Variants in NR4A3 observed in about 807,000 individuals in gnomAD.
NR4A3 encodes nuclear receptor subfamily 4 group A member 3.
A neutral mutation model predicts 55.6 loss-of-function variants in NR4A3; 13 were observed. The observed-to-expected ratio is 0.23, with a 90% CI of 0.15 to 0.37. The LOEUF is 0.37. Among genes scored for constraint, NR4A3 ranks in the 10% least tolerant of loss-of-function variants. The pLI is 1.00. For synonymous variants in NR4A3, 342 were observed against 357.9 expected, an observed-to-expected ratio of 0.96 and a Z score of 0.50; for missense variants, 646 against 822.8, an observed-to-expected ratio of 0.79 and a Z score of 2.63.
intron 2 of NR4A3, among the ~76,000 whole-genome samples, chr9:99,827,062 G>T (rs953689581): frequency 6.6e-6 from 1 of 152,138 alleles, no homozygotes; most frequent in Non-Finnish European, 1.5e-5. Flanking sequence ...AAGCACCCTG[G>T]ATACCAGCCA....
chr9:99,860,046 A>T (rs945753852), intron 7 of NR4A3, among the ~76,000 whole-genome samples: 1 of 152,332 alleles, frequency 6.6e-6, no homozygotes, highest in East Asian at 1.9e-4. Context: ...TTATACAAAG[A>T]GCACAACCTG....
intron 7 of NR4A3, among the ~76,000 whole-genome samples, chr9:99,852,158 A>T (rs1429098892): frequency 1.3e-5 from 2 of 152,216 alleles, no homozygotes; most frequent in African/African-American, 2.4e-5. Context: ...CTTCCCAAAG[A>T]GGTAGCATCT....
At chr9:99,852,274 A>G (rs1406035462) in intron 7 of NR4A3, among the ~76,000 whole-genome samples, 2 of 152,192 alleles carry the variant, frequency 1.3e-5, no homozygotes, top group Non-Finnish European at 2.9e-5. Flanking sequence ...ATTACAGTGG[A>G]GTTGCATTGT....
rs568957196 is a variant in NR4A3 at position 99,864,518 on chromosome 9, C to G, written c.*651C>G. 1.8e-5 allele frequency: 4 copies of G among 227,116 alleles called. No individual in the cohort carries two copies. The highest frequency in any genetic ancestry group is 6.7e-5 in the African/African-American group (3 of 45,060). 14.1% of individuals were successfully genotyped at this position (227,116 alleles called of 1,614,324 possible). A position where few individuals can be genotyped will look rare whatever the true frequency, so the allele number is the denominator to read the frequency against. On this transcript the variant is annotated 3_prime_UTR_variant, in exon 8 of 8. Transcript: ENST00000395097. The stretch of plus-strand genomic sequence containing the variant: ...TCTTACTAAGTCTTGTTTATTAACT[C>G]TCCTTTATTCTATATGGAAATAAAA...
At chr9:99,826,522 G>T (rs775570726) in intron 2 of NR4A3, among the ~76,000 whole-genome samples, 19 of 152,240 alleles carry the variant, frequency 1.2e-4, no homozygotes, top group Non-Finnish European at 2.8e-4. Context: ...GAGTAATGGA[G>T]AAATCCTAGA....
intron 5 of NR4A3, among the ~76,000 whole-genome samples, chr9:99,843,468 T>C (rs1827690143): frequency 6.6e-6 from 1 of 152,176 alleles, no homozygotes; most frequent in Non-Finnish European, 1.5e-5. Flanking sequence ...TCTTGTTGAT[T>C]ATTTCTGCGA....
rs1828063341 is a variant in NR4A3 at position 99,864,657 on chromosome 9, T to G, written c.*790T>G. 1 of 228,468 alleles carries G rather than the reference T, an allele frequency of 4.4e-6. No individual in the cohort carries two copies. The highest frequency in any genetic ancestry group is 8.7e-6 in the Non-Finnish European group (1 of 114,750). The allele number at this position is 228,468 out of a possible 1,614,324, so 14.2% of individuals were successfully genotyped here. On this transcript the variant is annotated 3_prime_UTR_variant, in exon 8 of 8. Coordinates refer to ENST00000395097, the MANE Select transcript of NR4A3 (RefSeq NM_006981.4). ...CCATCCAAGACTTTTAGGCCATTCT[T>G]GATGGAACCAGATCCCTGCCCTGAC...
chr9:99,830,046 C>G (rs1827409380), intron 3 of NR4A3, among the ~76,000 whole-genome samples: 1 of 152,244 alleles, frequency 6.6e-6, no homozygotes, highest in African/African-American at 2.4e-5. Context: ...ACACTTACTT[C>G]TGTGCCATCC....
intron 7 of NR4A3, among the ~76,000 whole-genome samples, chr9:99,857,704 G>A (rs1016044275): frequency 2.6e-5 from 4 of 151,868 alleles, no homozygotes; most frequent in Non-Finnish European, 4.4e-5. Context: ...GCAGTGAGCC[G>A]AGATTGCATC....
intron 6 of NR4A3, among the ~76,000 whole-genome samples, chr9:99,845,153 C>T (rs959711317): frequency 2.0e-5 from 3 of 152,078 alleles, no homozygotes; most frequent in Non-Finnish European, 2.9e-5. Context: ...TCTTGAGGTC[C>T]CTTGCAGCTC....
At chr9:99,844,539 C>A (rs1024634589) in intron 5 of NR4A3, 110 bp from the exon 6 acceptor site, 1 of 803,992 alleles carries the variant, frequency 1.2e-6, no homozygotes, top group Non-Finnish European at 2.1e-6. Flanking sequence ...AACTGTAACA[C>A]CTAAAAGTAA....
rs1827773644 is a variant in NR4A3, at chr9:99,847,424, T to A, written c.1455-13T>A. On this transcript the variant is annotated splice_polypyrimidine_tract_variant and intron_variant, in intron 6 of 7. Transcript: ENST00000395097. Reference sequence around the variant, plus strand: ...CAGACCTGTTTAATGTTTGTCTTCCTCTCACCTCCCAGGTCAAACACTGCT... The same window carrying A: ...CAGACCTGTTTAATGTTTGTCTTCCACTCACCTCCCAGGTCAAACACTGCT... The A allele has an allele frequency of 6.2e-7, 1 of 1,613,304 alleles. No individual in the cohort carries two copies. The highest frequency in any genetic ancestry group is 8.5e-7 in the Non-Finnish European group (1 of 1,179,354).
At chr9:99,859,516 A>C (rs1827976555) in intron 7 of NR4A3, among the ~76,000 whole-genome samples, 1 of 152,212 alleles carries the variant, frequency 6.6e-6, no homozygotes, top group African/African-American at 2.4e-5. Context: ...AAAACAACAA[A>C]GAGGGTTGAG....
rs1827270729 is a variant in NR4A3, at chr9:99,825,153, C to A, written c.-176-506C>A. Among the ~76,000 whole-genome samples the A allele has an allele frequency of 2.6e-5, 4 of 151,570 alleles. No individual in the cohort carries two copies. ...CCTCGGGGCATTCATGCATTCGTTCCGGACCTTGTGCATTTCCTATGCAAC... is the reference window on the plus strand; with the variant it reads ...CCTCGGGGCATTCATGCATTCGTTCAGGACCTTGTGCATTTCCTATGCAAC... On this transcript the variant is annotated intron_variant, in intron 1 of 7. Coordinates refer to ENST00000395097, the MANE Select transcript of NR4A3 (RefSeq NM_006981.4). The surrounding 1 kb of genome is among the most constrained non-coding windows in gnomAD (Gnocchi z 5.0).
In NR4A3 at chr9:99,865,208, G is replaced by A. The variant is rs1344015257; in HGVS notation, c.*1341G>A. The A allele has an allele frequency of 1.6e-5, 3 of 182,540 alleles. No homozygotes were observed. Among genetic ancestry groups the A allele is most frequent in the Non-Finnish European group, 3.5e-5 (3 of 85,596 alleles). The allele number at this position is 182,540 out of a possible 1,614,324, so 11.3% of individuals were successfully genotyped here. ...TGTAATAGCTTTGCCTGTATTTATT[G>A]CAAGACCACCAGCTCCTGGAAGCTG... On this transcript the variant is annotated 3_prime_UTR_variant, in exon 8 of 8. Coordinates refer to ENST00000395097, the MANE Select transcript of NR4A3 (RefSeq NM_006981.4). This position sits in a 1 kb window ranked among gnomAD's most constrained non-coding sequence, Gnocchi z 4.3.
chr9:99,828,675 C>T lies in NR4A3; in HGVS notation c.633C>T (p.Leu211=). The T allele has an allele frequency of 7.2e-7, 1 of 1,381,796 alleles. No individual in the cohort carries two copies. The highest frequency in any genetic ancestry group is 9.3e-7 in the Non-Finnish European group (1 of 1,075,312). The allele number at this position is 1,381,796 out of a possible 1,614,324, so 85.6% of individuals were successfully genotyped here. The change falls in exon 3 of 8, where the codon CTC becomes CTT. Residue 211 remains leucine, a synonymous_variant. Coordinates refer to ENST00000395097, the MANE Select transcript of NR4A3 (RefSeq NM_006981.4). This position sits in a 1 kb window ranked among gnomAD's most constrained non-coding sequence, Gnocchi z 7.7. ...PAPSPAGGHH[L]GYDPTAAAAL... is the part of the protein sequence containing the mutation. ...CCAGCCCGGCCGGCGGCCACCACCT[C>T]GGCTACGACCCGACGGCCGCTGCCG...
At chr9:99,831,866 T>C (rs1015779951) in intron 3 of NR4A3, among the ~76,000 whole-genome samples, 3 of 152,232 alleles carry the variant, frequency 2.0e-5, no homozygotes, top group African/African-American at 7.2e-5. Flanking sequence ...CATTTTTCTA[T>C]CCAACCTTAA....
At chr9:99,844,924 T>C (rs1827727734) in intron 6 of NR4A3, 76 bp downstream of exon 6, 4 of 1,140,570 alleles carry the variant, frequency 3.5e-6, no homozygotes, top group Admixed American at 3.7e-5. Flanking sequence ...AACTGAATCA[T>C]TGGTGAAACG....
rs1448268966 is a variant in NR4A3, at chr9:99,866,337, C to T, written c.*2470C>T. The T allele has an allele frequency of 4.5e-6, 1 of 221,842 alleles. No homozygotes were observed. The highest frequency in any genetic ancestry group is 5.8e-5 in the Admixed American group (1 of 17,386). 13.7% of individuals were successfully genotyped at this position (221,842 alleles called of 1,614,324 possible). A position where few individuals can be genotyped will look rare whatever the true frequency, so the allele number is the denominator to read the frequency against. ...AAGGAAGAACAAAACAAAATAAAAA[C>T]AGAGCCCTAGAGAAATGCTGTTACT... On this transcript the variant is annotated 3_prime_UTR_variant, in exon 8 of 8. Coordinates refer to ENST00000395097, the MANE Select transcript of NR4A3 (RefSeq NM_006981.4).
Sources: gnomAD v4.1 joint callset for allele counts (sites outside exome capture counted in the v4.1 genomes callset) on GRCh38, gnomAD v4.1.1 for gene constraint, Gnocchi (gnomAD v3.1) non-coding constraint, MANE v1.5 for transcripts, NCBI Gene and HGNC (gene_info 2026-07-23, HGNC 2026-07-21) for gene names.